Variants in ABHD17B observed in about 807,000 individuals in gnomAD.
ABHD17B encodes the protein alpha/beta hydrolase domain-containing protein 17B.
In ABHD17B, 9 loss-of-function variants were observed where a neutral mutation model predicts 26.2. That is an observed-to-expected ratio of 0.34 (90% CI 0.21 to 0.60). The LOEUF is 0.60. ABHD17B is among the 20% of genes least tolerant of loss of function. The pLI, the probability that ABHD17B is intolerant of heterozygous loss-of-function variation, is 0.80. For synonymous variants in ABHD17B, 127 were observed against 122.3 expected (o/e 1.04, Z -0.25); for missense variants, 224 against 352.1 (o/e 0.64, Z 2.91).
chr9:71,893,430 C>T (rs138501258), intron 1 of ABHD17B, among the ~76,000 whole-genome samples: 67 of 152,280 alleles, frequency 4.4e-4, no homozygotes, highest in African/African-American at 1.5e-3. Context: ...GTTAGAGCGA[C>T]GCACAGAACT....
intron 1 of ABHD17B, among the ~76,000 whole-genome samples, chr9:71,894,494 G>A (rs893976150): frequency 6.6e-5 from 10 of 152,078 alleles, no homozygotes; most frequent in Admixed American, 2.6e-4. Context: ...CAGGTGCCCC[G>A]CCACGACACC....
At chr9:71,910,312 A>C (rs1051216780) in intron 1 of ABHD17B, among the ~76,000 whole-genome samples, 4 of 152,182 alleles carry the variant, frequency 2.6e-5, no homozygotes, top group Non-Finnish European at 5.9e-5. Context: ...ACCGAGGAGG[A>C]CCAAAGACCT....
At chr9:71,863,409 C>CACT (rs1216087000), downstream of ABHD17B, among the ~76,000 whole-genome samples, 1 of 152,166 alleles carries the variant, frequency 6.6e-6, no homozygotes, top group African/African-American at 2.4e-5. Flanking sequence ...CAGATCTAGT[C>CACT]ACTGTTAGCT....
At chr9:71,881,105 A>T (rs545001619) in intron 1 of ABHD17B, among the ~76,000 whole-genome samples, 1 of 149,454 alleles carries the variant, frequency 6.7e-6, no homozygotes, top group South Asian at 2.1e-4. Flanking sequence ...CTCATAATAA[A>T]GCAACAGTAA....
At chr9:71,862,928 C>G (rs918610398), downstream of ABHD17B, among the ~76,000 whole-genome samples, 1 of 151,954 alleles carries the variant, frequency 6.6e-6, no homozygotes, top group Non-Finnish European at 1.5e-5. Context: ...CTTGAGCCAC[C>G]TCTCCCTGCT....
downstream of ABHD17B, among the ~76,000 whole-genome samples, chr9:71,864,648 G>A (rs73647024): frequency 0.018 from 2,671 of 152,122 alleles, 78 homozygotes; most frequent in African/African-American, 0.061. Context: ...AAACTTAGCT[G>A]AAATACCACT....
intron 3 of ABHD17B, among the ~76,000 whole-genome samples, chr9:71,867,807 A>G (rs1350583142): frequency 6.6e-6 from 1 of 152,148 alleles, no homozygotes; most frequent in Non-Finnish European, 1.5e-5. Flanking sequence ...CATAGAGACA[A>G]TGGAAACATA....
At chr9:71,896,746 C>T (rs1163994607) in intron 1 of ABHD17B, among the ~76,000 whole-genome samples, 2 of 152,002 alleles carry the variant, frequency 1.3e-5, no homozygotes, top group African/African-American at 2.4e-5. Context: ...GTGTCCCTCT[C>T]CTCACCTTTT....
intron 1 of ABHD17B, among the ~76,000 whole-genome samples, chr9:71,891,659 T>C (rs946635424): frequency 6.6e-6 from 1 of 152,194 alleles, no homozygotes; most frequent in East Asian, 1.9e-4. Context: ...GACTGCAGAA[T>C]TGGAACTCCT....
intron 3 of ABHD17B, 56 bp from the exon 4 acceptor site, chr9:71,867,062 T>C: frequency 1.3e-6 from 2 of 1,563,274 alleles, no homozygotes; most frequent in Non-Finnish European, 8.7e-7. Context: ...TAAAGGAACA[T>C]ATTCTTGTGC....
chr9:71,903,814 T>A (rs920043807), intron 1 of ABHD17B, among the ~76,000 whole-genome samples: 2 of 152,320 alleles, frequency 1.3e-5, no homozygotes, highest in South Asian at 2.1e-4. Context: ...ATAAATGCTA[T>A]GAAAATAAAG....
At position 71,865,839 on chromosome 9, in the gene ABHD17B, T is replaced by G; in HGVS notation, c.*948A>C. Reference sequence around the variant, plus strand: ...TCGCGCCACTGCACTCCAGCCTCAGTGACACAGCAAGACTCCATCTCAAAA... The same window carrying G: ...TCGCGCCACTGCACTCCAGCCTCAGGGACACAGCAAGACTCCATCTCAAAA... On this transcript the variant is annotated 3_prime_UTR_variant, in exon 4 of 4. Transcript: ENST00000333421. The G allele has an allele frequency of 1.0e-6, 1 of 964,864 alleles. No individual in the cohort carries two copies. The highest frequency in any genetic ancestry group is 4.8e-5 in the South Asian group (1 of 20,822). The allele number at this position is 964,864 out of a possible 1,614,324, so 59.8% of individuals were successfully genotyped here.
At chr9:71,906,736 T>C (rs1377568004) in intron 1 of ABHD17B, among the ~76,000 whole-genome samples, 1 of 152,042 alleles carries the variant, frequency 6.6e-6, no homozygotes, top group African/African-American at 2.4e-5. Flanking sequence ...GAGGATCCCT[T>C]GAGCCCAGGA....
At position 71,867,074 on chromosome 9, in the gene ABHD17B, A is replaced by G. The variant is rs1384292184; in HGVS notation, c.648-68T>C. 28 of 1,510,116 alleles carry G rather than the reference A, an allele frequency of 1.9e-5. No individual in the cohort carries two copies. The Admixed American group carries it at 2.2e-4, about 12-fold the overall frequency. 93.5% of individuals were successfully genotyped at this position (1,510,116 alleles called of 1,614,324 possible). ...ATGTAAAGGAACATATTCTTGTGCT[A>G]TATCAGACAGATAATTCAAATATGA... On this transcript the variant is annotated intron_variant, in intron 3 of 3. Transcript: ENST00000333421.
intron 1 of ABHD17B, among the ~76,000 whole-genome samples, chr9:71,905,687 C>G (rs1169966313): frequency 6.6e-6 from 1 of 152,198 alleles, no homozygotes; most frequent in Non-Finnish European, 1.5e-5. Flanking sequence ...AGGGGCACTA[C>G]TAAATAGAGG....
intron 1 of ABHD17B, among the ~76,000 whole-genome samples, chr9:71,910,211 TCAGTGCGC>T (rs1827413788): frequency 6.6e-6 from 1 of 152,074 alleles, no homozygotes; most frequent in Non-Finnish European, 1.5e-5. Context: ...CGCGAATCTC[TCAGTGCGC>T]CAGTGAGGGG....
At chr9:71,900,595 T>C (rs1400350103) in intron 1 of ABHD17B, among the ~76,000 whole-genome samples, 1 of 139,726 alleles carries the variant, frequency 7.2e-6, no homozygotes, top group Non-Finnish European at 1.5e-5. Flanking sequence ...GAGGTTGCAG[T>C]GAGCCAAGAT....
At chr9:71,867,487 A>C (rs1825990099) in intron 3 of ABHD17B, among the ~76,000 whole-genome samples, 1 of 152,236 alleles carries the variant, frequency 6.6e-6, no homozygotes, top group African/African-American at 2.4e-5. Context: ...AATATAATAA[A>C]ATGTTGGAGC....
intron 1 of ABHD17B, among the ~76,000 whole-genome samples, chr9:71,883,764 C>T (rs965596920): frequency 2.6e-5 from 4 of 152,068 alleles, no homozygotes; most frequent in African/African-American, 9.7e-5. Context: ...TGGTGAAACC[C>T]CATCTCTACT....
Sources: gnomAD v4.1 joint callset for allele counts (sites outside exome capture counted in the v4.1 genomes callset) on GRCh38, gnomAD v4.1.1 for gene constraint, MANE v1.5 for transcripts, NCBI Gene and HGNC (gene_info 2026-07-23, HGNC 2026-07-21) for gene names.